PDGFRB: variants seen among roughly 807,000 people sequenced by gnomAD.
PDGFRB encodes platelet-derived growth factor receptor beta.
Under a neutral mutation model 120.2 loss-of-function variants are expected in PDGFRB, and 42 were observed. The observed-to-expected ratio is 0.35, with a 90% CI of 0.27 to 0.45. The LOEUF (loss-of-function observed/expected upper bound fraction) is 0.45, where lower values mean the gene tolerates loss of function less well. Among genes scored for constraint, PDGFRB ranks in the 20% least tolerant of loss-of-function variants. The pLI, the probability that PDGFRB is intolerant of heterozygous loss-of-function variation, is 1.00. For synonymous variants in PDGFRB, 586 were observed against 606.8 expected (o/e 0.97, Z 0.50); for missense variants, 1,149 against 1,476.3 (o/e 0.78, Z 3.63).
chr5:150,146,945 G>T (rs750348736), intron 1 of PDGFRB, among the ~76,000 whole-genome samples: 9 of 152,176 alleles, frequency 5.9e-5, no homozygotes, highest in Non-Finnish European at 1.2e-4. Context: ...TTTTAAAGTC[G>T]AGCTAGGGAT....
intron 4 of PDGFRB, 112 bp downstream of exon 4, chr5:150,134,638 G>C: frequency 1.0e-6 from 1 of 974,344 alleles, no homozygotes. Context: ...GAAGGCTGTG[G>C]TGAGAATCCA....
rs2229558 is a variant in PDGFRB at position 150,132,844 on chromosome 5, G to A, written c.1033C>T (p.Pro345Ser). Residue 345 changes from proline (P) to serine (S), a missense_variant, in exon 7 of 23, where the codon CCG (proline) becomes TCG (serine). Transcript: ENST00000261799. The surrounding 1 kb of genome is among the most constrained non-coding windows in gnomAD (Gnocchi z 5.0). ...TCTTTGAACCACAGGACAGTGGGCG[G>A]TGGGTAGGCCTCGAACACTACCTGC... Reference protein sequence around the residue: ...TLQVVFEAYPPPTVLWFKDNR... With the variant: ...TLQVVFEAYPSPTVLWFKDNR... 18,727 of 1,610,196 alleles carry A rather than the reference G, an allele frequency of 0.012. 156 individuals carry two copies. Among genetic ancestry groups the A allele is most frequent in the Non-Finnish European group, 0.014 (17,019 of 1,178,522 alleles).
intron 8 of PDGFRB, 70 bp from the exon 9 acceptor site, chr5:150,130,732 AGG>A (rs1760442553): frequency 7.1e-7 from 1 of 1,402,274 alleles, no homozygotes; most frequent in Non-Finnish European, 9.9e-7. Flanking sequence ...TCCTCAGGGG[AGG>A]ACCTGGCCCA....
Position 150,132,110 on chromosome 5 carries a change from G to C in PDGFRB, c.1128-16C>G. ...TGACACATACCTGGGGAGCAGGAAA[G>C]GCAGCTGTCAGAGTCGGAAGGACTC... is the stretch of plus-strand genomic sequence containing the variant. On this transcript the variant is annotated splice_polypyrimidine_tract_variant and intron_variant, in intron 7 of 22. Coordinates refer to ENST00000261799, the MANE Select transcript of PDGFRB (RefSeq NM_002609.4). The surrounding 1 kb of genome is among the most constrained non-coding windows in gnomAD (Gnocchi z 5.0). 7.1e-7 allele frequency: 1 copy of C among 1,411,050 alleles called. No individual in the cohort carries two copies. Among genetic ancestry groups the C allele is most frequent in the Non-Finnish European group, 1.0e-6 (1 of 995,388 alleles). The allele number at this position is 1,411,050 out of a possible 1,614,324, so 87.4% of individuals were successfully genotyped here.
At chr5:150,118,970 G>A in intron 20 of PDGFRB, 118 bp from the exon 21 acceptor site, 1 of 657,636 alleles carries the variant, frequency 1.5e-6, no homozygotes, top group African/African-American at 1.8e-5. Context: ...AGGAGCTGGA[G>A]GGAAGTGGTG....
intron 12 of PDGFRB, 42 bp downstream of exon 12, chr5:150,125,403 C>G: frequency 6.3e-7 from 1 of 1,576,154 alleles, no homozygotes; most frequent in Non-Finnish European, 8.7e-7. Context: ...TCCCACCCAA[C>G]TTGAGTCCCC....
chr5:150,118,714 T>C (rs1436952025), intron 21 of PDGFRB, 33 bp downstream of exon 21: 2 of 1,315,754 alleles, frequency 1.5e-6, no homozygotes, highest in Non-Finnish European at 2.2e-6. Context: ...ACCAGAGCTC[T>C]CCGTGCTCCA....
At chr5:150,149,849 T>G (rs958810697) in intron 1 of PDGFRB, among the ~76,000 whole-genome samples, 5 of 152,130 alleles carry the variant, frequency 3.3e-5, no homozygotes, top group Admixed American at 2.6e-4. Context: ...TGCCCTTGGG[T>G]TTCCACTTCT....
intron 1 of PDGFRB, chr5:150,137,535 T>G (rs1174912581): frequency 6.4e-6 from 1 of 156,262 alleles, no homozygotes; most frequent in African/African-American, 2.4e-5. Context: ...CTCCCGCAGC[T>G]CCACAAGCAC....
chr5:150,119,070 C>T (rs900420941), intron 20 of PDGFRB, among the ~76,000 whole-genome samples: 11 of 152,230 alleles, frequency 7.2e-5, no homozygotes, highest in African/African-American at 9.6e-5. Context: ...AGGTTGACTA[C>T]GCCTGGGTGA....
At chr5:150,137,178 G>A (rs1760657479) in intron 1 of PDGFRB, 125 bp from the exon 2 acceptor site, 2 of 694,228 alleles carry the variant, frequency 2.9e-6, no homozygotes, top group South Asian at 1.8e-5. Context: ...CCGAGGGGCT[G>A]AAGTCAAAAG....
At chr5:150,134,474 C>T (rs890988660) in intron 4 of PDGFRB, among the ~76,000 whole-genome samples, 2 of 152,188 alleles carry the variant, frequency 1.3e-5, no homozygotes, top group Non-Finnish European at 2.9e-5. Flanking sequence ...GCTGGGATTT[C>T]GACCCAGCTG....
intron 19 of PDGFRB, 74 bp from the exon 20 acceptor site, chr5:150,119,640 C>G: frequency 1.1e-6 from 1 of 892,998 alleles, no homozygotes. Flanking sequence ...TTCTACAGGA[C>G]AAGGAGAGCC....
intron 1 of PDGFRB, among the ~76,000 whole-genome samples, chr5:150,152,314 G>A (rs1375020388): frequency 6.6e-6 from 1 of 152,324 alleles, no homozygotes; most frequent in East Asian, 1.9e-4. Flanking sequence ...CAGATGTAAA[G>A]CACAATTGAA....
Position 150,129,980 on chromosome 5 carries a change from G to A in PDGFRB, c.1368-12C>T. On this transcript the variant is annotated splice_polypyrimidine_tract_variant and intron_variant, in intron 9 of 22. Coordinates refer to ENST00000261799, the MANE Select transcript of PDGFRB (RefSeq NM_002609.4). ...GCTCACGTGGACACCTGCCAGGAGA[G>A]CCGGTAGGGTTGGCTGCCAGCCCCT... The A allele has an allele frequency of 6.2e-7, 1 of 1,609,890 alleles. No individual in the cohort carries two copies. The highest frequency in any genetic ancestry group is 8.5e-7 in the Non-Finnish European group (1 of 1,176,962).
At chr5:150,148,474 T>C (rs1037171933) in intron 1 of PDGFRB, among the ~76,000 whole-genome samples, 2 of 152,028 alleles carry the variant, frequency 1.3e-5, no homozygotes, top group South Asian at 2.1e-4. Flanking sequence ...AGGGAGGTGA[T>C]GGAGATGAGC....
At chr5:150,137,247 C>T (rs976415791) in intron 1 of PDGFRB, 194 bp from the exon 2 acceptor site, 27 of 556,562 alleles carry the variant, frequency 4.9e-5, no homozygotes, top group East Asian at 6.2e-5. Flanking sequence ...CTCTCCATCC[C>T]GGACTTAGCC....
intron 20 of PDGFRB, among the ~76,000 whole-genome samples, chr5:150,119,136 T>G (rs896239698): frequency 3.9e-5 from 6 of 152,346 alleles, no homozygotes; most frequent in East Asian, 3.9e-4. Context: ...CACGGTTGGT[T>G]CTTGATGGCA....
chr5:150,136,242 C>T (rs1014474177), intron 2 of PDGFRB, among the ~76,000 whole-genome samples: 12 of 152,234 alleles, frequency 7.9e-5, no homozygotes, highest in Admixed American at 3.3e-4. Context: ...CCCTACAGCT[C>T]TCTGCCCCCT....
Sources: allele counts gnomAD v4.1 joint callset (sites outside exome capture counted in the v4.1 genomes callset), GRCh38; gene constraint gnomAD v4.1.1; non-coding constraint Gnocchi (gnomAD v3.1); transcripts MANE v1.5; gene names NCBI Gene and HGNC (gene_info 2026-07-23, HGNC 2026-07-21).